The following DAB1 variants were observed in gnomAD, a reference collection of about 807,000 sequenced individuals.
The protein encoded by DAB1 is DAB adaptor protein 1, also known as disabled homolog 1.
Under a neutral mutation model 64.6 loss-of-function variants are expected in DAB1, and 15 were observed. That is an observed-to-expected ratio of 0.23 (90% CI 0.16 to 0.36). DAB1 has a LOEUF of 0.36. DAB1 is among the 10% of genes least tolerant of loss of function. The pLI, the probability that DAB1 is intolerant of heterozygous loss-of-function variation, is 1.00. For synonymous variants in DAB1, 235 were observed against 251.9 expected (o/e 0.93, Z 0.64); for missense variants, 596 against 706.7 (o/e 0.84, Z 1.78).
At chr1:57,219,264 AACACACACACACACACAC>A (rs60049165) in intron 2 of DAB1, among the ~76,000 whole-genome samples, 15 of 149,546 alleles carry the variant, frequency 1.0e-4, no homozygotes, top group African/African-American at 3.7e-4. Flanking sequence ...GAGGCATTTC[AACACACACACACACACAC>A]ACACACACAC....
At position 57,197,400 on chromosome 1, in the gene DAB1, T is replaced by A. The variant is rs145972771; in HGVS notation, c.68-51971A>T. Among the ~76,000 whole-genome samples the A allele has an allele frequency of 7.5e-3, 1,127 of 151,266 alleles. 15 individuals carry two copies. Among genetic ancestry groups the A allele is most frequent in the African/African-American group, 0.026 (1,074 of 41,186 alleles). ...ACTTGACCGAAACCACATGATGAAA[T>A]GCAGCATTTTAACTATGAACAACAG... is the stretch of plus-strand genomic sequence containing the variant. On this transcript the variant is annotated intron_variant, in intron 2 of 14. Coordinates refer to ENST00000371236, the MANE Select transcript of DAB1 (RefSeq NM_001365792.1).
intron 4 of DAB1, among the ~76,000 whole-genome samples, chr1:57,104,792 G>T (rs1002123069): frequency 1.3e-5 from 2 of 152,098 alleles, no homozygotes; most frequent in Non-Finnish European, 2.9e-5. Flanking sequence ...AAGAAGTTGG[G>T]TGGGGGCTGG....
intron 6 of DAB1, among the ~76,000 whole-genome samples, chr1:57,663,610 C>T (rs1021914777): frequency 6.6e-6 from 1 of 152,004 alleles, no homozygotes; most frequent in Non-Finnish European, 1.5e-5. Context: ...AGTTGAACAT[C>T]TTTCCCTCCC....
chr1:57,342,518 C>A (rs1319625433), intron 1 of DAB1, among the ~76,000 whole-genome samples: 4 of 152,186 alleles, frequency 2.6e-5, no homozygotes, highest in Non-Finnish European at 4.4e-5. Flanking sequence ...GCAACAACTC[C>A]CTATCTAAGA....
chr1:57,593,113 T>C (rs572165174), intron 7 of DAB1, among the ~76,000 whole-genome samples: 13 of 152,340 alleles, frequency 8.5e-5, no homozygotes, highest in African/African-American at 2.4e-4. Flanking sequence ...CTTCTTATCT[T>C]GCAAAACTGA....
intron 2 of DAB1, among the ~76,000 whole-genome samples, chr1:57,215,602 A>C (rs545493662): frequency 6.6e-6 from 1 of 152,314 alleles, no homozygotes; most frequent in African/African-American, 2.4e-5. Context: ...CCATTAATCC[A>C]GTGTCTAGTC....
At chr1:57,748,902 A>C (rs1323273047) in intron 6 of DAB1, among the ~76,000 whole-genome samples, 2 of 152,228 alleles carry the variant, frequency 1.3e-5, no homozygotes, top group African/African-American at 4.8e-5. Flanking sequence ...TACGATGAAA[A>C]GGGCAAATCT....
intron 9 of DAB1, among the ~76,000 whole-genome samples, chr1:57,028,519 C>T (rs835446): frequency 0.039 from 5,968 of 152,182 alleles, 128 homozygotes; most frequent in South Asian, 0.062. Flanking sequence ...GGGTAACAGG[C>T]AGAGGTTGAA....
chr1:57,945,958 T>C (rs1430362965), intron 5 of DAB1, among the ~76,000 whole-genome samples: 5 of 152,208 alleles, frequency 3.3e-5, no homozygotes, highest in Non-Finnish European at 7.3e-5. Flanking sequence ...CATGCTGCCA[T>C]GTACTGGATT....
At chr1:58,310,521 A>C (rs1385413721) in intron 4 of DAB1, among the ~76,000 whole-genome samples, 2 of 152,130 alleles carry the variant, frequency 1.3e-5, no homozygotes, top group Non-Finnish European at 2.9e-5. Context: ...CCTTCTCTTG[A>C]TTCAACAATG....
At chr1:57,902,618 A>T (rs1157862661) in intron 5 of DAB1, among the ~76,000 whole-genome samples, 1 of 152,154 alleles carries the variant, frequency 6.6e-6, no homozygotes, top group Non-Finnish European at 1.5e-5. Flanking sequence ...TCTCCAGGAC[A>T]CATACAGTTT....
rs544234505 is a variant in DAB1 at position 57,124,416 on chromosome 1, T to C, written c.306+12127A>G. ...TATCTCAGAGTCTCAGACACTCTCG[T>C]TGGAGCCATTTATATGGAAGATGAA... On this transcript the variant is annotated intron_variant, in intron 4 of 14. Coordinates refer to ENST00000371236, the MANE Select transcript of DAB1 (RefSeq NM_001365792.1). Among the ~76,000 whole-genome samples the C allele has an allele frequency of 3.9e-5, 6 of 152,226 alleles. No individual in the cohort carries two copies. The South Asian group carries it at 1.0e-3, about 26-fold the overall frequency.
In DAB1 at chr1:57,292,785, G is replaced by T. The variant is rs548437942; in HGVS notation, c.-136-1619C>A. The stretch of plus-strand genomic sequence containing the variant: ...TCAAGGGTTGTTTCCTGTCCTCCAA[G>T]AAGCTCAGTCTAACAGAGGTATCAG... On this transcript the variant is annotated intron_variant, in intron 1 of 14. Transcript: ENST00000371236. 2.0e-5 allele frequency among the ~76,000 whole-genome samples: 3 copies of T among 152,174 alleles called. No homozygotes were observed. In the East Asian group the frequency reaches 5.8e-4, roughly 29 times the overall value.
chr1:58,386,515 G>A (rs949620491), intron 3 of DAB1, among the ~76,000 whole-genome samples: 4 of 152,124 alleles, frequency 2.6e-5, no homozygotes, highest in African/African-American at 9.7e-5. Flanking sequence ...TATCTGACAA[G>A]TGAAAGAACA....
At chr1:58,490,166 C>A (rs1645653946) in intron 3 of DAB1, among the ~76,000 whole-genome samples, 1 of 152,110 alleles carries the variant, frequency 6.6e-6, no homozygotes, top group South Asian at 2.1e-4. Context: ...GAAGTTCGAA[C>A]CCATGGCAAA....
intron 4 of DAB1, among the ~76,000 whole-genome samples, chr1:57,103,701 G>A (rs911007680): frequency 6.6e-6 from 1 of 152,096 alleles, no homozygotes; most frequent in South Asian, 2.1e-4. Context: ...CTTAGCCTAA[G>A]AGCAAATGAA....
chr1:57,516,907 C>G (rs910979756), intron 7 of DAB1, among the ~76,000 whole-genome samples: 1 of 152,134 alleles, frequency 6.6e-6, no homozygotes, highest in South Asian at 2.1e-4. Context: ...TTATCAAGAA[C>G]CCTACTAAGT....
At chr1:58,218,273 C>T (rs181079569) in intron 4 of DAB1, among the ~76,000 whole-genome samples, 318 of 152,236 alleles carry the variant, frequency 2.1e-3, no homozygotes, top group Non-Finnish European at 3.4e-3. Context: ...GAGTCCAACT[C>T]CTGGAACTGG....
intron 3 of DAB1, among the ~76,000 whole-genome samples, chr1:58,387,211 C>T (rs1340515741): frequency 2.6e-5 from 4 of 152,256 alleles, no homozygotes; most frequent in African/African-American, 9.6e-5. Context: ...TCTACATCCA[C>T]TGCAGAGGCC....
Sources: allele counts gnomAD v4.1 joint callset (sites outside exome capture counted in the v4.1 genomes callset), GRCh38; gene constraint gnomAD v4.1.1; transcripts MANE v1.5; gene names NCBI Gene and HGNC (gene_info 2026-07-23, HGNC 2026-07-21).